CSMD1: variants seen among roughly 807,000 people sequenced by gnomAD.
The protein encoded by CSMD1 is CUB and sushi domain-containing protein 1.
A neutral mutation model predicts 417.5 loss-of-function variants in CSMD1; 213 were observed. That is an observed-to-expected ratio of 0.51 (90% CI 0.46 to 0.57). The LOEUF is 0.57. Ranked by LOEUF, CSMD1 falls within the 20% of genes least tolerant of loss-of-function variation. The pLI is 0.00. For missense variants in CSMD1, 6,923 were observed against 4,529.7 expected (o/e 1.53, Z -15.17); for synonymous variants, 2,862 against 1,736.8 (o/e 1.65, Z -16.11).
At chr8:3,772,131 C>T (rs1218569956) in intron 5 of CSMD1, among the ~76,000 whole-genome samples, 2 of 145,862 alleles carry the variant, frequency 1.4e-5, no homozygotes, top group Admixed American at 1.4e-4. Context: ...TGTAAATGAA[C>T]ACCTCCTTTT....
rs190806428 is a variant in CSMD1 at position 4,626,667 on chromosome 8, G to A, written c.302+10675C>T. On this transcript the variant is annotated intron_variant, in intron 2 of 69. Transcript: ENST00000635120. ...CAGCTTGATTCTGAGGAAGAGCTCTGCAGTGGGCTTCACTCCACCTCTTGC... is the reference window on the plus strand; with the variant it reads ...CAGCTTGATTCTGAGGAAGAGCTCTACAGTGGGCTTCACTCCACCTCTTGC... Among the ~76,000 whole-genome samples the A allele has an allele frequency of 3.8e-3, 583 of 152,180 alleles. 5 individuals carry two copies. Among genetic ancestry groups the A allele is most frequent in the Middle Eastern group, 0.027 (8 of 294 alleles).
chr8:4,105,257 C>A (rs1801509003), intron 3 of CSMD1, among the ~76,000 whole-genome samples: 1 of 152,100 alleles, frequency 6.6e-6, no homozygotes, highest in Admixed American at 6.5e-5. Flanking sequence ...TGATCAACGG[C>A]CGTATTCAAC....
At position 3,987,777 on chromosome 8, in the gene CSMD1, G is replaced by A. The variant is rs574667126; in HGVS notation, c.818+10126C>T. Among the ~76,000 whole-genome samples the A allele has an allele frequency of 1.6e-3, 238 of 152,284 alleles. 2 individuals carry two copies. Among genetic ancestry groups the A allele is most frequent in the Non-Finnish European group, 2.2e-3 (150 of 68,036 alleles). Reference sequence around the variant, plus strand: ...ATTGACAGGACTCAGGCCAAAGCAGGCTCTGCGCCACGTCAAGAAGCATAG... The same window carrying A: ...ATTGACAGGACTCAGGCCAAAGCAGACTCTGCGCCACGTCAAGAAGCATAG... On this transcript the variant is annotated intron_variant, in intron 5 of 69. Transcript: ENST00000635120.
At chr8:3,109,562 C>T (rs1816368296) in intron 43 of CSMD1, among the ~76,000 whole-genome samples, 1 of 152,174 alleles carries the variant, frequency 6.6e-6, no homozygotes, top group Non-Finnish European at 1.5e-5. Flanking sequence ...GCCCGTCATT[C>T]TGCAGCCCAT....
chr8:4,013,593 G>A (rs1796383385), intron 4 of CSMD1, among the ~76,000 whole-genome samples: 1 of 152,172 alleles, frequency 6.6e-6, no homozygotes, highest in Non-Finnish European at 1.5e-5. Context: ...CAACAGGACA[G>A]CAAAGTTTAT....
chr8:3,816,692 G>A (rs370358089), intron 5 of CSMD1, among the ~76,000 whole-genome samples: 1 of 152,120 alleles, frequency 6.6e-6, no homozygotes, highest in Admixed American at 6.6e-5. Flanking sequence ...CAATTACACT[G>A]ATTTTACCTT....
intron 3 of CSMD1, among the ~76,000 whole-genome samples, chr8:4,350,253 T>G (rs1488326082): frequency 6.6e-6 from 1 of 152,152 alleles, no homozygotes; most frequent in Non-Finnish European, 1.5e-5. Flanking sequence ...TCTCAACAAC[T>G]GGAAGCCTCA....
At chr8:4,308,902 A>T (rs959515674) in intron 3 of CSMD1, among the ~76,000 whole-genome samples, 1 of 152,214 alleles carries the variant, frequency 6.6e-6, no homozygotes, top group Non-Finnish European at 1.5e-5. Context: ...TAAAATACTC[A>T]GAAAATATCA....
chr8:4,790,198 G>A (rs1307524390), intron 1 of CSMD1, among the ~76,000 whole-genome samples: 2 of 152,110 alleles, frequency 1.3e-5, no homozygotes, highest in African/African-American at 4.8e-5. Context: ...CATCCAAGCT[G>A]AGAGCCAAAT....
At chr8:4,922,610 T>C (rs1353263745) in intron 1 of CSMD1, among the ~76,000 whole-genome samples, 1 of 152,170 alleles carries the variant, frequency 6.6e-6, no homozygotes, top group Non-Finnish European at 1.5e-5. Flanking sequence ...TGAGAGAAGG[T>C]ATGCAGATAA....
In CSMD1 at chr8:3,176,264, G is replaced by C. The variant is rs1169325693; in HGVS notation, c.5725+4846C>G. 3.9e-5 allele frequency among the ~76,000 whole-genome samples: 6 copies of C among 152,054 alleles called. No homozygotes were observed. The South Asian group carries it at 1.2e-3, about 32-fold the overall frequency. On this transcript the variant is annotated intron_variant, in intron 37 of 69. Transcript: ENST00000635120. ...ATGGAAAGCAATTCTTAATTAGAGG[G>C]AACCATTCTGCTAATAATTAATCTT...
At position 3,272,260 on chromosome 8, in the gene CSMD1, T is replaced by A. The variant is rs1230214140; in HGVS notation, c.4153+11884A>T. On this transcript the variant is annotated intron_variant, in intron 26 of 69. Coordinates refer to ENST00000635120, the MANE Select transcript of CSMD1 (RefSeq NM_033225.6). ...AGTTGTAGATATGCGGCGTTATTTC[T>A]GAGGGCTCTGTTCTATTCCATTGAT... Among the ~76,000 whole-genome samples, 467 of 143,714 alleles carry A rather than the reference T, an allele frequency of 3.2e-3. 14 individuals are homozygous for A. Among genetic ancestry groups the A allele is most frequent in the Admixed American group, 0.03 (410 of 13,766 alleles). 94.3% of individuals were successfully genotyped at this position (143,714 alleles called of 152,430 possible). A position where few individuals can be genotyped will look rare whatever the true frequency, so the allele number is the denominator to read the frequency against.
At chr8:4,545,191 C>A (rs1372803394) in intron 2 of CSMD1, among the ~76,000 whole-genome samples, 3 of 152,106 alleles carry the variant, frequency 2.0e-5, no homozygotes, top group Non-Finnish European at 4.4e-5. Flanking sequence ...GCTATGAGAA[C>A]CTGAACAATG....
At chr8:4,283,367 C>G (rs73660730) in intron 3 of CSMD1, among the ~76,000 whole-genome samples, 6 of 152,152 alleles carry the variant, frequency 3.9e-5, no homozygotes, top group Admixed American at 2.0e-4. Context: ...TCTTTGCCAT[C>G]TGAAAAGGGT....
At chr8:4,502,528 T>C (rs990443987) in intron 2 of CSMD1, among the ~76,000 whole-genome samples, 3 of 152,152 alleles carry the variant, frequency 2.0e-5, no homozygotes, top group African/African-American at 4.8e-5. Context: ...CAAACACACA[T>C]TAAACCCCAT....
intron 5 of CSMD1, among the ~76,000 whole-genome samples, chr8:3,949,730 G>C (rs1339584799): frequency 5.3e-5 from 8 of 152,080 alleles, no homozygotes; most frequent in Non-Finnish European, 7.4e-5. Context: ...ATGAGCAATG[G>C]GGACTTGATC....
At chr8:3,164,649 C>T (rs1403581857) in intron 37 of CSMD1, among the ~76,000 whole-genome samples, 1 of 152,104 alleles carries the variant, frequency 6.6e-6, no homozygotes, top group Non-Finnish European at 1.5e-5. Flanking sequence ...ATTTTAACTA[C>T]AGTCGGGAAT....
intron 5 of CSMD1, among the ~76,000 whole-genome samples, chr8:3,821,221 G>C (rs764559389): frequency 4.6e-5 from 7 of 152,100 alleles, no homozygotes; most frequent in Non-Finnish European, 8.8e-5. Context: ...CCCAGCTCTA[G>C]GTTAACTTTT....
intron 5 of CSMD1, 123 bp downstream of exon 5, chr8:3,997,780 G>C (rs1863475): frequency 8.1e-6 from 7 of 861,412 alleles, no homozygotes; most frequent in Non-Finnish European, 1.1e-5. Flanking sequence ...AGAGCAAGGC[G>C]AAAAAAGGAA....
Sources: gnomAD v4.1 joint callset for allele counts (sites outside exome capture counted in the v4.1 genomes callset) on GRCh38, gnomAD v4.1.1 for gene constraint, MANE v1.5 for transcripts, NCBI Gene and HGNC (gene_info 2026-07-23, HGNC 2026-07-21) for gene names.